CCDC127: variants seen among roughly 807,000 people sequenced by gnomAD.
The protein encoded by CCDC127 is coiled-coil domain-containing protein 127.
In CCDC127, 2 loss-of-function variants were observed where a neutral mutation model predicts 4.1. That is an observed-to-expected ratio of 0.49 (90% CI 0.20 to 1.53). The LOEUF (loss-of-function observed/expected upper bound fraction) is 1.53. Among genes scored for constraint, CCDC127 ranks in the 40% most tolerant of loss-of-function variants. The probability of loss-of-function intolerance (pLI) is 0.23; values close to 1 mark genes in which losing one functional copy is unlikely to be tolerated. For synonymous variants in CCDC127, 98 were observed against 120.4 expected (o/e 0.81, Z 1.22); for missense variants, 271 against 322.9 (o/e 0.84, Z 1.23).
At position 218,136 on chromosome 5, in the gene CCDC127, C is replaced by T. The variant is rs1734472647; in HGVS notation, c.-54G>A. 12 of 1,236,042 alleles carry T rather than the reference C, an allele frequency of 9.7e-6. No individual in the cohort carries two copies. The highest frequency in any genetic ancestry group is 3.2e-4 in the Middle Eastern group (1 of 3,156). 76.6% of individuals were successfully genotyped at this position (1,236,042 alleles called of 1,614,324 possible). On this transcript the variant is annotated 5_prime_UTR_variant, in exon 1 of 3. Coordinates refer to ENST00000296824, the MANE Select transcript of CCDC127 (RefSeq NM_145265.3). ...GACCTCAGCGTTCCCTTAACGCCAC[C>T]GTCCGCGGGTCCGCTTTGCGCAGGC... is the stretch of plus-strand genomic sequence containing the variant.
rs768221274 is a variant in CCDC127 at position 202,076 on chromosome 5, T to C, written c.*3221A>G. 1 of 152,288 alleles carries C rather than the reference T, an allele frequency of 6.6e-6. No individual in the cohort carries two copies. The highest frequency in any genetic ancestry group is 1.5e-5 in the Non-Finnish European group (1 of 68,068). The allele number at this position is 152,288 out of a possible 1,614,324, so 9.4% of individuals were successfully genotyped here. A position where few individuals can be genotyped will look rare whatever the true frequency, so the allele number is the denominator to read the frequency against. ...ACACACCAACCAGCACAATTACCCT[T>C]TTCTGCAACTTTAAACCACTTTGGT... On this transcript the variant is annotated 3_prime_UTR_variant, in exon 3 of 3. Coordinates refer to ENST00000296824, the MANE Select transcript of CCDC127 (RefSeq NM_145265.3).
chr5:217,078 TC>T (rs1734416655), intron 1 of CCDC127: 1 of 464,030 alleles, frequency 2.2e-6, no homozygotes, highest in Admixed American at 3.8e-5. Context: ...TTGCAGTGAG[TC>T]GAGGTCGCGC....
rs1734144517 is a variant in CCDC127 at position 205,202 on chromosome 5, C to T, written c.*95G>A. 1 of 1,160,558 alleles carries T rather than the reference C, an allele frequency of 8.6e-7. No individual in the cohort carries two copies. The allele number at this position is 1,160,558 out of a possible 1,614,324, so 71.9% of individuals were successfully genotyped here. ...CTGAAGGGTGACGGTGTGGCCATGA[C>T]ACGGGCAGCACGGGAACGGAAGACG... is the stretch of plus-strand genomic sequence containing the variant. On this transcript the variant is annotated 3_prime_UTR_variant, in exon 3 of 3. Transcript: ENST00000296824.
chr5:213,892 A>G (rs1006867396), intron 2 of CCDC127: 1 of 152,242 alleles, frequency 6.6e-6, no homozygotes, highest in African/African-American at 2.4e-5. Flanking sequence ...AAACCTACAC[A>G]AGAATGTTTA....
At position 204,260 on chromosome 5, in the gene CCDC127, G is replaced by A. The variant is rs910848667; in HGVS notation, c.*1037C>T. ...TCTGTGCTGAGTCCAACCCTGTGCT[G>A]AGTCCTGTGAGATCTCCCAGCAGGT... On this transcript the variant is annotated 3_prime_UTR_variant, in exon 3 of 3. Transcript: ENST00000296824. 4 of 152,272 alleles carry A rather than the reference G, an allele frequency of 2.6e-5. No individual in the cohort carries two copies. The highest frequency in any genetic ancestry group is 7.2e-5 in the African/African-American group (3 of 41,440). The allele number at this position is 152,272 out of a possible 1,614,324, so 9.4% of individuals were successfully genotyped here. A position where few individuals can be genotyped will look rare whatever the true frequency, so the allele number is the denominator to read the frequency against.
Position 200,712 on chromosome 5 carries a change from T to G in CCDC127, c.*4585A>C, listed in dbSNP as rs1734058833. 6.6e-6 allele frequency: 1 copy of G among 152,124 alleles called. No individual in the cohort carries two copies. The highest frequency in any genetic ancestry group is 1.5e-5 in the Non-Finnish European group (1 of 68,030). 9.4% of individuals were successfully genotyped at this position (152,124 alleles called of 1,614,324 possible). A position where few individuals can be genotyped will look rare whatever the true frequency, so the allele number is the denominator to read the frequency against. On this transcript the variant is annotated 3_prime_UTR_variant, in exon 3 of 3. Transcript: ENST00000296824. ...GCTGCTTGCAAACAGAATCCTAAAT[T>G]AATAGAGAAATACAGCAACTGTTTC...
At chr5:209,772 G>A (rs538859637) in intron 2 of CCDC127, among the ~76,000 whole-genome samples, 1 of 152,308 alleles carries the variant, frequency 6.6e-6, no homozygotes, top group South Asian at 2.1e-4. Flanking sequence ...TCTACAGCAC[G>A]GCCACGTGGG....
At chr5:207,909 CA>C (rs1734209757) in intron 2 of CCDC127, among the ~76,000 whole-genome samples, 1 of 152,148 alleles carries the variant, frequency 6.6e-6, no homozygotes, top group Non-Finnish European at 1.5e-5. Flanking sequence ...GGAAAACTAA[CA>C]CAGACAATGA....
At chr5:215,188 A>G (rs1299334306) in intron 2 of CCDC127, 2 of 152,180 alleles carry the variant, frequency 1.3e-5, no homozygotes, top group Admixed American at 1.3e-4. Context: ...ACAGAACCTC[A>G]AACACATCGT....
rs1403135848 is a variant in CCDC127, at chr5:203,749, G to A, written c.*1548C>T. 2.6e-5 allele frequency: 4 copies of A among 152,270 alleles called. No individual in the cohort carries two copies. Among genetic ancestry groups the A allele is most frequent in the Non-Finnish European group, 5.9e-5 (4 of 68,066 alleles). 9.4% of individuals were successfully genotyped at this position (152,270 alleles called of 1,614,324 possible). A position where few individuals can be genotyped will look rare whatever the true frequency, so the allele number is the denominator to read the frequency against. The stretch of plus-strand genomic sequence containing the variant: ...CACACAGGTTACTCGCGGTTCTGGA[G>A]AAAAGGTGCCCGGGCTCAGACTGGC... On this transcript the variant is annotated 3_prime_UTR_variant, in exon 3 of 3. Transcript: ENST00000296824.
chr5:215,516 A>G (rs1734363354), intron 2 of CCDC127: 1 of 152,164 alleles, frequency 6.6e-6, no homozygotes, highest in African/African-American at 2.4e-5. Flanking sequence ...CCCTAGCCAC[A>G]GGCAACAGTA....
At chr5:208,497 C>G (rs983421447) in intron 2 of CCDC127, among the ~76,000 whole-genome samples, 3 of 152,242 alleles carry the variant, frequency 2.0e-5, no homozygotes, top group Non-Finnish European at 4.4e-5. Flanking sequence ...GAAAAAACTA[C>G]GGCCCCACCT....
At chr5:206,219 C>T (rs1380946899) in intron 2 of CCDC127, among the ~76,000 whole-genome samples, 1 of 152,224 alleles carries the variant, frequency 6.6e-6, no homozygotes, top group Non-Finnish European at 1.5e-5. Context: ...AGATCTACCA[C>T]CATTTGCCTG....
At chr5:207,712 C>T (rs370226236) in intron 2 of CCDC127, among the ~76,000 whole-genome samples, 2 of 151,646 alleles carry the variant, frequency 1.3e-5, no homozygotes, top group Non-Finnish European at 2.9e-5. Flanking sequence ...ACAAGGAGCA[C>T]GGGATATGTT....
chr5:202,725 G>A lies in CCDC127; in HGVS notation c.*2572C>T, dbSNP rs1734095072. On this transcript the variant is annotated 3_prime_UTR_variant, in exon 3 of 3. Coordinates refer to ENST00000296824, the MANE Select transcript of CCDC127 (RefSeq NM_145265.3). ...ACACTGGACATTAGAAACAGGATGA[G>A]GATTAACAATTTGCCTCGAAAATCA... 6.6e-6 allele frequency: 1 copy of A among 152,240 alleles called. No individual in the cohort carries two copies. The highest frequency in any genetic ancestry group is 6.5e-5 in the Admixed American group (1 of 15,282). The allele number at this position is 152,240 out of a possible 1,614,324, so 9.4% of individuals were successfully genotyped here.
At position 207,211 on chromosome 5, in the gene CCDC127, C is replaced by A. The variant is rs368366834; in HGVS notation, c.122-1253G>T. Among the ~76,000 whole-genome samples, 43 of 152,266 alleles carry A rather than the reference C, an allele frequency of 2.8e-4. 1 individual carries two copies. The South Asian group carries it at 8.7e-3, about 31-fold the overall frequency. ...ATTTCCATTAGCCTGAAAGCCAGTC[C>A]CCCTTGGATATGCTGTTGACACTTC... On this transcript the variant is annotated intron_variant, in intron 2 of 2. Transcript: ENST00000296824.
rs3756720 is a variant in CCDC127 at position 216,293 on chromosome 5, C to T, written c.121+436G>A. On this transcript the variant is annotated intron_variant, in intron 2 of 2. Transcript: ENST00000296824. ...TCACTCGATCTGCCCACCTGGGCCT[C>T]GCAGAGTGCTGGGGTTACAGGTATG... The T allele has an allele frequency of 1.8e-4, 37 of 209,672 alleles. No individual in the cohort carries two copies. The East Asian group carries it at 4.5e-3, about 25-fold the overall frequency. The allele number at this position is 209,672 out of a possible 1,614,324, so 13.0% of individuals were successfully genotyped here.
intron 1 of CCDC127, among the ~76,000 whole-genome samples, chr5:217,807 G>A (rs1470688230): frequency 1.3e-5 from 2 of 152,232 alleles, no homozygotes; most frequent in Non-Finnish European, 2.9e-5. Flanking sequence ...CCTACACGAA[G>A]TTTCACATTT....
At chr5:206,098 A>G (rs1226789194) in intron 2 of CCDC127, 140 bp from the exon 3 acceptor site, 1 of 778,714 alleles carries the variant, frequency 1.3e-6, no homozygotes, top group African/African-American at 1.8e-5. Context: ...GATCACTTCT[A>G]CGTGAAAATG....
Sources: allele counts gnomAD v4.1 joint callset (sites outside exome capture counted in the v4.1 genomes callset), GRCh38; gene constraint gnomAD v4.1.1; transcripts MANE v1.5; gene names NCBI Gene and HGNC (gene_info 2026-07-23, HGNC 2026-07-21).